PCDH9: variants seen among roughly 807,000 people sequenced by gnomAD.
PCDH9 encodes protocadherin 9.
PCDH9 carries 24 observed loss-of-function variants against 70.6 expected under a neutral mutation model. The ratio of observed to expected loss-of-function variants is 0.34; its 90% CI spans 0.25 to 0.48. The LOEUF (loss-of-function observed/expected upper bound fraction) is 0.48, where lower values mean the gene tolerates loss of function less well. Among genes scored for constraint, PCDH9 ranks in the 20% least tolerant of loss-of-function variants. PCDH9 has a pLI of 0.99. For synonymous variants in PCDH9, 562 were observed against 558.5 expected (o/e 1.01, Z -0.09); for missense variants, 1,281 against 1,503.6 (o/e 0.85, Z 2.45).
intron 4 of PCDH9, among the ~76,000 whole-genome samples, chr13:66,452,935 T>C (rs1958242553): frequency 1.3e-5 from 2 of 152,162 alleles, no homozygotes; most frequent in Non-Finnish European, 2.9e-5. Flanking sequence ...CTCATCCATC[T>C]ATCCATCCAT....
intron 3 of PCDH9, among the ~76,000 whole-genome samples, chr13:66,669,746 A>G (rs2078145582): frequency 6.6e-6 from 1 of 152,218 alleles, no homozygotes; most frequent in Non-Finnish European, 1.5e-5. Context: ...TCTTTTAACC[A>G]TCAGGCTTAT....
intron 4 of PCDH9, among the ~76,000 whole-genome samples, chr13:66,584,865 T>C (rs962898605): frequency 1.3e-5 from 2 of 152,116 alleles, no homozygotes; most frequent in Non-Finnish European, 2.9e-5. Flanking sequence ...GTGAAGAGTT[T>C]AATTGAAACT....
At chr13:66,594,648 T>A (rs2077080092) in intron 4 of PCDH9, among the ~76,000 whole-genome samples, 1 of 151,556 alleles carries the variant, frequency 6.6e-6, no homozygotes, top group Non-Finnish European at 1.5e-5. Context: ...CTATTTTTCC[T>A]AATGCTCTCC....
chr13:67,200,381 C>T (rs536950698), intron 2 of PCDH9, among the ~76,000 whole-genome samples: 1 of 151,914 alleles, frequency 6.6e-6, no homozygotes, highest in Non-Finnish European at 1.5e-5. Flanking sequence ...TGTGTCCCAG[C>T]AGGTTTAATA....
intron 3 of PCDH9, among the ~76,000 whole-genome samples, chr13:66,814,405 C>T (rs1370282159): frequency 6.6e-6 from 1 of 152,004 alleles, no homozygotes; most frequent in Non-Finnish European, 1.5e-5. Context: ...GTATCTAATG[C>T]TATATTCTAA....
chr13:66,454,974 T>TAC (rs1958289577), intron 4 of PCDH9, among the ~76,000 whole-genome samples: 1 of 152,256 alleles, frequency 6.6e-6, no homozygotes, highest in Admixed American at 6.5e-5. Context: ...AATAACTTTC[T>TAC]ATGTAGGAAA....
At chr13:66,321,845 T>G (rs1424632382) in intron 4 of PCDH9, among the ~76,000 whole-genome samples, 1 of 151,980 alleles carries the variant, frequency 6.6e-6, no homozygotes, top group African/African-American at 2.4e-5. Flanking sequence ...GTGGAGTAGA[T>G]GCTTTCTTTC....
At chr13:67,188,485 T>C (rs1405929397) in intron 2 of PCDH9, among the ~76,000 whole-genome samples, 2 of 152,126 alleles carry the variant, frequency 1.3e-5, no homozygotes, top group Admixed American at 6.6e-5. Flanking sequence ...TCATGTAATC[T>C]TGTGTATTAA....
intron 2 of PCDH9, among the ~76,000 whole-genome samples, chr13:66,997,675 C>T (rs1347194034): frequency 2.0e-5 from 3 of 152,138 alleles, no homozygotes; most frequent in African/African-American, 7.2e-5. Flanking sequence ...GCTGGGACTA[C>T]GGGCGCACAT....
chr13:66,639,163 A>C (rs553730782), intron 3 of PCDH9, among the ~76,000 whole-genome samples: 1 of 152,310 alleles, frequency 6.6e-6, no homozygotes, highest in East Asian at 1.9e-4. Context: ...TCTGCACTCT[A>C]CTTACTGCTC....
At chr13:67,037,058 C>A (rs899334803) in intron 2 of PCDH9, among the ~76,000 whole-genome samples, 5 of 152,124 alleles carry the variant, frequency 3.3e-5, no homozygotes, top group Non-Finnish European at 5.9e-5. Flanking sequence ...CAGATTACCC[C>A]ACAGACTTAG....
intron 2 of PCDH9, among the ~76,000 whole-genome samples, chr13:66,977,831 T>A (rs1179254573): frequency 2.6e-5 from 4 of 152,064 alleles, no homozygotes; most frequent in Non-Finnish European, 5.9e-5. Flanking sequence ...TCTGATCTCC[T>A]CAGTGGAAAT....
rs114963997 is a variant in PCDH9, at chr13:66,922,976, A to G, written c.3037-19371T>C. Among the ~76,000 whole-genome samples the G allele has an allele frequency of 3.2e-3, 482 of 151,570 alleles. 5 individuals are homozygous for G. Among genetic ancestry groups the G allele is most frequent in the African/African-American group, 0.011 (465 of 41,486 alleles). On this transcript the variant is annotated intron_variant, in intron 2 of 4. Transcript: ENST00000377865. ...TCACTTTGTATTTACATATTATTAA[A>G]TATTTAGTTTTATCTTATCACAAGA...
At chr13:66,492,161 T>A (rs1959044451) in intron 4 of PCDH9, among the ~76,000 whole-genome samples, 1 of 152,148 alleles carries the variant, frequency 6.6e-6, no homozygotes, top group South Asian at 2.1e-4. Context: ...GTGATACTAC[T>A]TTTTCATGAT....
intron 4 of PCDH9, among the ~76,000 whole-genome samples, chr13:66,359,582 T>C (rs1327441998): frequency 6.6e-6 from 1 of 152,010 alleles, no homozygotes; most frequent in East Asian, 1.9e-4. Context: ...TGTAAGCAGG[T>C]TCCATCCTGT....
chr13:67,135,957 T>G (rs1452615109), intron 2 of PCDH9, among the ~76,000 whole-genome samples: 1 of 152,104 alleles, frequency 6.6e-6, no homozygotes, highest in Non-Finnish European at 1.5e-5. Context: ...ATCTCTGCTA[T>G]GCTGCCTCCT....
chr13:66,863,331 G>A (rs1452220723), intron 3 of PCDH9, among the ~76,000 whole-genome samples: 1 of 152,104 alleles, frequency 6.6e-6, no homozygotes, highest in South Asian at 2.1e-4. Flanking sequence ...TTGAGATAAT[G>A]CATGGAAAAT....
At chr13:66,570,799 C>T (rs1010691857) in intron 4 of PCDH9, among the ~76,000 whole-genome samples, 1 of 151,932 alleles carries the variant, frequency 6.6e-6, no homozygotes, top group African/African-American at 2.4e-5. Flanking sequence ...TTGTAAGACA[C>T]ATTTAAAAAA....
At position 66,328,634 on chromosome 13, in the gene PCDH9, C is replaced by T. The variant is rs1363146606; in HGVS notation, c.3341-23606G>A. On this transcript the variant is annotated intron_variant, in intron 4 of 4. Coordinates refer to ENST00000377865, the MANE Select transcript of PCDH9 (RefSeq NM_203487.3). ...TAAGGGCAGTGGAGTGGTTTATATT[C>T]TTTCCAATTGATCCATGTTAACTGA... Among the ~76,000 whole-genome samples, 4 of 151,800 alleles carry T rather than the reference C, an allele frequency of 2.6e-5. No homozygotes were observed. In the East Asian group the frequency reaches 7.8e-4, roughly 30 times the overall value.
Sources: gnomAD v4.1 joint callset for allele counts (sites outside exome capture counted in the v4.1 genomes callset) on GRCh38, gnomAD v4.1.1 for gene constraint, MANE v1.5 for transcripts, NCBI Gene and HGNC (gene_info 2026-07-23, HGNC 2026-07-21) for gene names.